Variants in DPP10 observed in about 807,000 individuals in gnomAD.
The protein encoded by DPP10 is inactive dipeptidyl peptidase 10.
In DPP10, 33 loss-of-function variants were observed where a neutral mutation model predicts 120.9. That is an observed-to-expected ratio of 0.27 (90% CI 0.21 to 0.37). DPP10 has a LOEUF of 0.37. Among genes scored for constraint, DPP10 ranks in the 10% least tolerant of loss-of-function variants. The probability of loss-of-function intolerance (pLI) is 1.00; values close to 1 mark genes in which losing one functional copy is unlikely to be tolerated. For synonymous variants in DPP10, 337 were observed against 326.1 expected (o/e 1.03, Z -0.36); for missense variants, 816 against 942.8 (o/e 0.87, Z 1.76).
intron 4 of DPP10, among the ~76,000 whole-genome samples, chr2:115,509,185 C>A (rs1479345756): frequency 6.6e-6 from 1 of 151,992 alleles, no homozygotes; most frequent in Non-Finnish European, 1.5e-5. Context: ...AAAGTTGTGG[C>A]TCAAGAAAGG....
chr2:115,785,758 G>A (rs1360115373), intron 17 of DPP10, among the ~76,000 whole-genome samples: 1 of 149,586 alleles, frequency 6.7e-6, no homozygotes, highest in African/African-American at 2.4e-5. Context: ...TCTATTAATT[G>A]TATTTATACT....
chr2:115,167,643 G>A (rs967626906), intron 1 of DPP10, among the ~76,000 whole-genome samples: 80 of 148,902 alleles, frequency 5.4e-4, no homozygotes, highest in African/African-American at 1.8e-3. Context: ...TTATTAAGCC[G>A]TGTATAGCTG....
intron 5 of DPP10, among the ~76,000 whole-genome samples, chr2:115,589,878 A>G (rs2082520062): frequency 6.6e-6 from 1 of 152,166 alleles, no homozygotes; most frequent in Admixed American, 6.5e-5. Context: ...CATCTAACAG[A>G]CAGTCATGCA....
chr2:114,773,019 C>T (rs189251794), intron 1 of DPP10, among the ~76,000 whole-genome samples: 1 of 152,138 alleles, frequency 6.6e-6, no homozygotes, highest in African/African-American at 2.4e-5. Flanking sequence ...ATTCTCAAAG[C>T]CTTCATTTTC....
chr2:114,588,072 C>T (rs1404460987), intron 1 of DPP10, among the ~76,000 whole-genome samples: 1 of 152,330 alleles, frequency 6.6e-6, no homozygotes, highest in African/African-American at 2.4e-5. Context: ...ATACTGCTGA[C>T]TTTTCCTCAT....
chr2:114,858,737 C>G (rs1012631378), intron 1 of DPP10, among the ~76,000 whole-genome samples: 3 of 152,126 alleles, frequency 2.0e-5, no homozygotes, highest in Non-Finnish European at 4.4e-5. Context: ...GTATTACTAT[C>G]ATACCTACCA....
At chr2:114,697,587 A>C (rs1461590293) in intron 1 of DPP10, among the ~76,000 whole-genome samples, 1 of 151,906 alleles carries the variant, frequency 6.6e-6, no homozygotes, top group Non-Finnish European at 1.5e-5. Context: ...CGTCTCTACC[A>C]AAAATATAAT....
At chr2:114,964,115 T>G (rs1238947047) in intron 1 of DPP10, among the ~76,000 whole-genome samples, 3 of 152,206 alleles carry the variant, frequency 2.0e-5, no homozygotes, top group Non-Finnish European at 4.4e-5. Context: ...TTTGTAAATG[T>G]GATAGCTAAC....
intron 5 of DPP10, among the ~76,000 whole-genome samples, chr2:115,659,695 A>G (rs899711173): frequency 6.6e-6 from 1 of 152,138 alleles, no homozygotes; most frequent in African/African-American, 2.4e-5. Flanking sequence ...AGGTTTTTGT[A>G]TGTCTAATAT....
chr2:114,631,666 C>T (rs1215463235), intron 1 of DPP10, among the ~76,000 whole-genome samples: 1 of 152,138 alleles, frequency 6.6e-6, no homozygotes, highest in Non-Finnish European at 1.5e-5. Flanking sequence ...ATCATTTAAA[C>T]TAAATCATAC....
chr2:114,843,922 A>G (rs1271632077), intron 1 of DPP10, among the ~76,000 whole-genome samples: 1 of 152,156 alleles, frequency 6.6e-6, no homozygotes, highest in East Asian at 1.9e-4. Context: ...TAATTTCACA[A>G]TGAAACTACC....
chr2:114,827,547 G>A (rs186834388), intron 1 of DPP10, among the ~76,000 whole-genome samples: 3 of 151,990 alleles, frequency 2.0e-5, no homozygotes, highest in East Asian at 3.9e-4. Context: ...ATATGTTTAC[G>A]GTATATACCT....
chr2:115,647,242 G>A (rs896497520), intron 5 of DPP10, among the ~76,000 whole-genome samples: 3 of 152,240 alleles, frequency 2.0e-5, no homozygotes, highest in Admixed American at 6.5e-5. Context: ...ATCAAGTGCC[G>A]CTCTATACAT....
Position 115,643,084 on chromosome 2 carries a change from C to T in DPP10, c.442-46603C>T, listed in dbSNP as rs145620826. 6.6e-3 allele frequency among the ~76,000 whole-genome samples: 998 copies of T among 151,804 alleles called. 11 individuals are homozygous for T. The highest frequency in any genetic ancestry group is 0.023 in the African/African-American group (957 of 41,390). ...GCATTAAAGGAGAAATTCAATGTAG[C>T]TCATTTCTTCAGGTTTACTAATTAA... On this transcript the variant is annotated intron_variant, in intron 5 of 25. Coordinates refer to ENST00000410059, the MANE Select transcript of DPP10 (RefSeq NM_020868.6).
Position 115,757,329 on chromosome 2 carries a change from C to CA in DPP10, c.1074+4041dup, listed in dbSNP as rs918424844. Among the ~76,000 whole-genome samples the CA allele has an allele frequency of 3.1e-4, 47 of 149,380 alleles. 1 individual carries two copies. The East Asian group carries it at 5.7e-3, about 18-fold the overall frequency. On this transcript the variant is annotated intron_variant, in intron 11 of 25. Coordinates refer to ENST00000410059, the MANE Select transcript of DPP10 (RefSeq NM_020868.6). ...AGACATACCGAGACTGGGCAATTTCCAAAAAAAAATAATAATAATAAGGTT... is the reference window on the plus strand; with the variant it reads ...AGACATACCGAGACTGGGCAATTTCCAAAAAAAAAATAATAATAATAAGGTT...
At chr2:114,480,340 G>A (rs1680914233) in intron 1 of DPP10, among the ~76,000 whole-genome samples, 2 of 152,036 alleles carry the variant, frequency 1.3e-5, no homozygotes, top group South Asian at 4.2e-4. Context: ...ATTTGACCCA[G>A]CCATCCCGTT....
At chr2:115,496,928 G>A (rs1431839590) in intron 3 of DPP10, among the ~76,000 whole-genome samples, 1 of 151,982 alleles carries the variant, frequency 6.6e-6, no homozygotes, top group Non-Finnish European at 1.5e-5. Flanking sequence ...GATTGGTTGG[G>A]GGGGATGCAA....
chr2:115,015,071 T>C (rs1310529044), intron 1 of DPP10, among the ~76,000 whole-genome samples: 2 of 152,092 alleles, frequency 1.3e-5, no homozygotes, highest in African/African-American at 4.8e-5. Context: ...CAGGCCAATA[T>C]TCCTGATGAA....
chr2:115,600,598 G>A (rs1014076808), intron 5 of DPP10, among the ~76,000 whole-genome samples: 1 of 152,176 alleles, frequency 6.6e-6, no homozygotes, highest in Non-Finnish European at 1.5e-5. Flanking sequence ...TGCCTCTAAA[G>A]CGTAGCTCAT....
Sources: allele counts gnomAD v4.1 joint callset (sites outside exome capture counted in the v4.1 genomes callset), GRCh38; gene constraint gnomAD v4.1.1; transcripts MANE v1.5; gene names NCBI Gene and HGNC (gene_info 2026-07-23, HGNC 2026-07-21).